DLEU7: variants seen among roughly 807,000 people sequenced by gnomAD.
DLEU7 encodes leukemia-associated protein 7.
DLEU7 carries 17 observed loss-of-function variants against 16.0 expected under a neutral mutation model. The observed-to-expected ratio is 1.06, with a 90% CI of 0.73 to 1.59. The LOEUF (loss-of-function observed/expected upper bound fraction) is 1.59. DLEU7 is among the 40% of genes most tolerant of loss of function. The pLI is 0.00. For missense variants in DLEU7, 308 were observed against 314.9 expected, an observed-to-expected ratio of 0.98 and a Z score of 0.17; for synonymous variants, 113 against 139.8, an observed-to-expected ratio of 0.81 and a Z score of 1.35.
intron 1 of DLEU7, among the ~76,000 whole-genome samples, chr13:50,835,228 G>A (rs1037563034): frequency 2.0e-5 from 3 of 151,998 alleles, no homozygotes; most frequent in African/African-American, 4.8e-5. Flanking sequence ...CATCAGACTC[G>A]GCCCAGATCC....
rs1278381082 is a variant in DLEU7 at position 50,843,618 on chromosome 13, G to C, written c.29C>G (p.Ser10Cys). The C allele has an allele frequency of 6.6e-7, 1 of 1,511,182 alleles. No homozygotes were observed. The highest frequency in any genetic ancestry group is 1.4e-5 in the African/African-American group (1 of 69,916). 93.6% of individuals were successfully genotyped at this position (1,511,182 alleles called of 1,614,324 possible). A position where few individuals can be genotyped will look rare whatever the true frequency, so the allele number is the denominator to read the frequency against. Residue 10 changes from serine (S) to cysteine (C), a missense_variant, in exon 1 of 2, where the codon TCC becomes TGC. By Grantham distance (112) the Ser-to-Cys change is moderately radical. Coordinates refer to ENST00000504404, the MANE Select transcript of DLEU7 (RefSeq NM_001306135.2). This position sits in a 1 kb window ranked among gnomAD's most constrained non-coding sequence, Gnocchi z 5.7. MASPAPLVA[S>C]ISHQMVALQT... Reference sequence around the variant, plus strand: ...CAGAGCCACCATTTGGTGGCTGATGGAGGCCACTAAGGGCGCAGGGCTGGC... The same window carrying C: ...CAGAGCCACCATTTGGTGGCTGATGCAGGCCACTAAGGGCGCAGGGCTGGC...
exon 2 of DLEU7, chr13:50,713,168 T>C (rs750379089): frequency 1.4e-5 from 22 of 1,600,648 alleles, no homozygotes; most frequent in Non-Finnish European, 1.9e-5. Flanking sequence ...GCACTGGTTA[T>C]TGAAATATGA....
intron 1 of DLEU7, among the ~76,000 whole-genome samples, chr13:50,792,779 G>A (rs893949451): frequency 6.1e-4 from 92 of 151,706 alleles, no homozygotes; most frequent in African/African-American, 2.2e-3. Flanking sequence ...ATCAATTTAA[G>A]CCAGCCCTTT....
chr13:50,711,772 C>CCGGGGGGGGGGGGGGGGGGGGG, downstream of DLEU7: 15 of 72,950 alleles, frequency 2.1e-4, 1 homozygote, highest in South Asian at 1.8e-3. Flanking sequence ...GACCCAGTGG[C>CCGGGGGGGGGGGGGGGGGGGGG]GGGGGCGGGG....
At chr13:50,790,618 A>G (rs1426855760) in intron 1 of DLEU7, among the ~76,000 whole-genome samples, 1 of 152,036 alleles carries the variant, frequency 6.6e-6, no homozygotes, top group Non-Finnish European at 1.5e-5. Context: ...AAAGTTTGGA[A>G]CAGCCAAGCT....
chr13:50,824,122 G>C (rs1234856042), intron 1 of DLEU7, among the ~76,000 whole-genome samples: 3 of 152,162 alleles, frequency 2.0e-5, no homozygotes, highest in Non-Finnish European at 2.9e-5. Context: ...CATACTCACT[G>C]TGTTCGGTAG....
At chr13:50,827,641 C>T (rs912358368) in intron 1 of DLEU7, among the ~76,000 whole-genome samples, 2 of 152,144 alleles carry the variant, frequency 1.3e-5, no homozygotes, top group Non-Finnish European at 2.9e-5. Context: ...GAGCAATGAT[C>T]ATGCCATTGC....
intron 1 of DLEU7, among the ~76,000 whole-genome samples, chr13:50,772,418 C>T (rs111444135): frequency 1.3e-5 from 2 of 152,264 alleles, no homozygotes; most frequent in Admixed American, 6.5e-5. Context: ...TGTTCCTTTC[C>T]ATGTTTAGTG....
In DLEU7 at chr13:50,747,180, A is replaced by T. The variant is rs142991879; in HGVS notation, c.460-33940T>A. On this transcript the variant is annotated intron_variant, in intron 1 of 1. Coordinates refer to the DLEU7 transcript ENST00000400393. ...ATTAAATCAATGCTTTCTGAGGTTA[A>T]TTCTCAAGTTACTGTGGCTGTAATC... Among the ~76,000 whole-genome samples, 41 of 152,272 alleles carry T rather than the reference A, an allele frequency of 2.7e-4. No homozygotes were observed. In the East Asian group the frequency reaches 7.4e-3, roughly 27 times the overall value.
chr13:50,773,081 G>A (rs138909242), intron 1 of DLEU7, among the ~76,000 whole-genome samples: 14 of 152,094 alleles, frequency 9.2e-5, no homozygotes, highest in Admixed American at 7.2e-4. Flanking sequence ...TTGTGCATGC[G>A]TCACGTAGTT....
At chr13:50,819,407 G>C (rs1593408615), downstream of DLEU7, among the ~76,000 whole-genome samples, 1 of 152,146 alleles carries the variant, frequency 6.6e-6, no homozygotes, top group African/African-American at 2.4e-5. Flanking sequence ...TATTGGTAGA[G>C]CAGAGACATA....
intron 1 of DLEU7, among the ~76,000 whole-genome samples, chr13:50,791,112 C>G (rs1045347698): frequency 6.6e-6 from 1 of 152,148 alleles, no homozygotes; most frequent in Admixed American, 6.5e-5. Flanking sequence ...AATTCACCAT[C>G]ATGCATCCAA....
chr13:50,758,827 A>G (rs972568720), intron 1 of DLEU7, among the ~76,000 whole-genome samples: 7 of 152,236 alleles, frequency 4.6e-5, no homozygotes, highest in African/African-American at 1.7e-4. Flanking sequence ...TTTTATGACT[A>G]AATCTCAGGA....
At chr13:50,764,160 G>A (rs1875030428) in intron 1 of DLEU7, among the ~76,000 whole-genome samples, 1 of 152,142 alleles carries the variant, frequency 6.6e-6, no homozygotes. Flanking sequence ...TCACCCCTCT[G>A]AGTCTCCATT....
intron 1 of DLEU7, among the ~76,000 whole-genome samples, chr13:50,765,397 A>T (rs1020472521): frequency 6.6e-6 from 1 of 152,162 alleles, no homozygotes; most frequent in African/African-American, 2.4e-5. Flanking sequence ...AGGAAGATAA[A>T]TGGAAGAAGA....
chr13:50,795,685 A>C (rs1876091520), intron 1 of DLEU7, among the ~76,000 whole-genome samples: 1 of 152,174 alleles, frequency 6.6e-6, no homozygotes, highest in Non-Finnish European at 1.5e-5. Flanking sequence ...GTTTCTATTA[A>C]ATTTATCAAT....
At chr13:50,818,318 A>C (rs1876795363), downstream of DLEU7, among the ~76,000 whole-genome samples, 2 of 152,124 alleles carry the variant, frequency 1.3e-5, no homozygotes, top group Non-Finnish European at 2.9e-5. Flanking sequence ...TGTTAGGATG[A>C]CCATCACAAT....
intron 1 of DLEU7, among the ~76,000 whole-genome samples, chr13:50,784,938 G>T (rs1349180225): frequency 1.3e-5 from 2 of 152,104 alleles, no homozygotes; most frequent in African/African-American, 4.8e-5. Context: ...AAGAGAGTCT[G>T]GGGACTTCTT....
chr13:50,734,498 C>T (rs1460948569), intron 1 of DLEU7, among the ~76,000 whole-genome samples: 1 of 152,016 alleles, frequency 6.6e-6, no homozygotes, highest in Non-Finnish European at 1.5e-5. Context: ...CACCCATCTC[C>T]CCAAAAATAA....
Sources: gnomAD v4.1 joint callset for allele counts (sites outside exome capture counted in the v4.1 genomes callset) on GRCh38, gnomAD v4.1.1 for gene constraint, Gnocchi (gnomAD v3.1) non-coding constraint, MANE v1.5 for transcripts, NCBI Gene and HGNC (gene_info 2026-07-23, HGNC 2026-07-21) for gene names.